The following WASHC2C variants were observed in gnomAD, a reference collection of about 807,000 sequenced individuals.
WASHC2C encodes the protein Vaccinia Penetration Factor.
A neutral mutation model predicts 142.2 loss-of-function variants in WASHC2C; 73 were observed. The observed-to-expected ratio is 0.51, with a 90% CI of 0.43 to 0.62. WASHC2C has a LOEUF of 0.62. Ranked by LOEUF, WASHC2C falls within the 20% of genes least tolerant of loss-of-function variation. The pLI, the probability that WASHC2C is intolerant of heterozygous loss-of-function variation, is 0.00. For synonymous variants in WASHC2C, 337 were observed against 565.5 expected, an observed-to-expected ratio of 0.60 and a Z score of 5.73; for missense variants, 969 against 1,531.7, an observed-to-expected ratio of 0.63 and a Z score of 6.13.
At chr10:45,734,463 T>G (rs1467559393) in intron 3 of WASHC2C, among the ~76,000 whole-genome samples, 1 of 151,980 alleles carries the variant, frequency 6.6e-6, no homozygotes, top group African/African-American at 2.4e-5. Flanking sequence ...GAATTTAATT[T>G]TTTTGTTCTT....
chr10:45,790,095 G>A (rs1275537600), intron 29 of WASHC2C, among the ~76,000 whole-genome samples: 1 of 152,230 alleles, frequency 6.6e-6, no homozygotes, highest in Non-Finnish European at 1.5e-5. Context: ...CTGGGGCAGA[G>A]TGGTGGGTAG....
chr10:45,754,417 T>C (rs1406294574), intron 13 of WASHC2C, 69 bp from the exon 14 acceptor site: 2 of 1,604,344 alleles, frequency 1.2e-6, no homozygotes, highest in Non-Finnish European at 1.7e-6. Flanking sequence ...TTGCACGTAT[T>C]TCAGGAAGAA....
At chr10:45,749,811 G>A (rs2053313451) in intron 8 of WASHC2C, among the ~76,000 whole-genome samples, 1 of 89,826 alleles carries the variant, frequency 1.1e-5, no homozygotes. Flanking sequence ...GGGCCACAGA[G>A]CAAGACTCCA....
At position 45,786,599 on chromosome 10, in the gene WASHC2C, T is replaced by C; in HGVS notation, c.2812-13T>C. The C allele has an allele frequency of 6.2e-7, 1 of 1,611,082 alleles. No individual in the cohort carries two copies. The highest frequency in any genetic ancestry group is 8.5e-7 in the Non-Finnish European group (1 of 1,179,178). On this transcript the variant is annotated splice_polypyrimidine_tract_variant and intron_variant, in intron 26 of 30. Coordinates refer to ENST00000623400, the MANE Select transcript of WASHC2C (RefSeq NM_001330074.2). ...TCCCAAATGGATTTTTAACTGGATG[T>C]AATCTTACACAGGACTCATCAGGTC... is the stretch of plus-strand genomic sequence containing the variant.
chr10:45,774,038 GT>G (rs1369227634), intron 21 of WASHC2C, among the ~76,000 whole-genome samples: 1 of 140,228 alleles, frequency 7.1e-6, no homozygotes, highest in East Asian at 2.1e-4. Flanking sequence ...CCAGGGAAAG[GT>G]ATGGAATGGG....
intron 6 of WASHC2C, 127 bp downstream of exon 6, chr10:45,743,610 C>T: frequency 1.9e-6 from 2 of 1,050,350 alleles, no homozygotes; most frequent in Non-Finnish European, 2.7e-6. Flanking sequence ...CCTGGGTTTA[C>T]CAGTTAACAT....
intron 3 of WASHC2C, among the ~76,000 whole-genome samples, chr10:45,736,020 G>A (rs1194927791): frequency 3.3e-5 from 5 of 151,858 alleles, no homozygotes; most frequent in African/African-American, 7.3e-5. Flanking sequence ...TGTAATCCCA[G>A]CACTTTGGGA....
rs1379912016 is a variant in WASHC2C, at chr10:45,787,040, T to C, written c.2880T>C (p.Asn960=). Residue 960 remains asparagine, a synonymous_variant, in exon 28 of 31, where the codon AAT becomes AAC. Transcript: ENST00000623400. ...PSTRIGKIQA[N]LAINPAALLP... ...GTTTCATTTTTCTTCTTTAGGCAAA[T>C]TTAGCGATCAACCCAGCGGCCTTGC... The C allele has an allele frequency of 3.7e-6, 6 of 1,607,408 alleles. No homozygotes were observed. The African/African-American group carries it at 8.1e-5, about 22-fold the overall frequency.
intron 20 of WASHC2C, among the ~76,000 whole-genome samples, chr10:45,773,021 G>A (rs1383304412): frequency 1.4e-5 from 2 of 147,938 alleles, no homozygotes; most frequent in African/African-American, 5.0e-5. Flanking sequence ...ATAGTAACAG[G>A]AAAGGGGCAA....
At chr10:45,783,763 TTTG>T (rs2057705145) in intron 23 of WASHC2C, among the ~76,000 whole-genome samples, 2 of 152,336 alleles carry the variant, frequency 1.3e-5, no homozygotes, top group South Asian at 4.1e-4. Flanking sequence ...GCCTGGCCTT[TTTG>T]TTAAGTTTTA....
chr10:45,729,180 T>C lies in WASHC2C; in HGVS notation c.291+154T>C, dbSNP rs143992264. Among the ~76,000 whole-genome samples the C allele has an allele frequency of 3.7e-4, 56 of 152,378 alleles. 1 individual carries two copies. The East Asian group carries it at 0.01, about 28-fold the overall frequency. On this transcript the variant is annotated intron_variant, in intron 3 of 30. Coordinates refer to ENST00000623400, the MANE Select transcript of WASHC2C (RefSeq NM_001330074.2). ...CTCTGGGATTAACGCCTCTTTTTTA[T>C]TTGTAAAGTTTTAAGTCCTTTTTTC...
Position 45,787,039 on chromosome 10 carries a change from AT to A in WASHC2C, c.2882del (p.Leu961Ter), listed in dbSNP as rs2058094421. On this transcript the variant is annotated frameshift_variant, in exon 28 of 31. Transcript: ENST00000623400. LOFTEE classifies it high-confidence loss of function. Reference sequence around the variant, plus strand: ...AGTTTCATTTTTCTTCTTTAGGCAAATTTAGCGATCAACCCAGCGGCCTTGC... The same window carrying A: ...AGTTTCATTTTTCTTCTTTAGGCAAATTAGCGATCAACCCAGCGGCCTTGC... ...PSTRIGKIQA[N>X]LAINPAALLP... 1 of 1,607,106 alleles carries A rather than the reference AT, an allele frequency of 6.2e-7. No homozygotes were observed. The highest frequency in any genetic ancestry group is 8.5e-7 in the Non-Finnish European group (1 of 1,176,658).
chr10:45,742,047 G>A (rs1406847828), intron 5 of WASHC2C, among the ~76,000 whole-genome samples: 5 of 150,676 alleles, frequency 3.3e-5, no homozygotes, highest in Admixed American at 6.6e-5. Context: ...CGCCCGCCTC[G>A]GCCTCCCAAA....
At chr10:45,751,211 T>C (rs2134618039) in intron 10 of WASHC2C, among the ~76,000 whole-genome samples, 1 of 151,580 alleles carries the variant, frequency 6.6e-6, no homozygotes, top group South Asian at 2.1e-4. Flanking sequence ...TATAACAGGG[T>C]AGAAAGATAA....
intron 16 of WASHC2C, 99 bp downstream of exon 16, chr10:45,757,238 T>C: frequency 3.2e-6 from 5 of 1,567,010 alleles, no homozygotes; most frequent in Non-Finnish European, 4.3e-6. Context: ...TTCACGTTCA[T>C]ATTGAAGAAC....
chr10:45,735,717 A>G lies in WASHC2C; in HGVS notation c.292-2266A>G, dbSNP rs144055808. Reference sequence around the variant, plus strand: ...TAATTTTCATGGGAGCTAAATTTCAAGAAGTAGAATTTTGGGTCAGAGGAT... The same window carrying G: ...TAATTTTCATGGGAGCTAAATTTCAGGAAGTAGAATTTTGGGTCAGAGGAT... On this transcript the variant is annotated intron_variant, in intron 3 of 30. Transcript: ENST00000623400. Among the ~76,000 whole-genome samples the G allele has an allele frequency of 9.8e-4, 150 of 152,366 alleles. 3 individuals carry two copies. The East Asian group carries it at 0.025, about 26-fold the overall frequency.
intron 17 of WASHC2C, among the ~76,000 whole-genome samples, chr10:45,761,727 A>G (rs2135087308): frequency 6.6e-6 from 1 of 152,300 alleles, no homozygotes; most frequent in Middle Eastern, 3.4e-3. Context: ...TTGCAGTACC[A>G]AGAAAGGTAT....
chr10:45,734,330 GTTT>G (rs1270459818), intron 3 of WASHC2C, among the ~76,000 whole-genome samples: 5 of 150,752 alleles, frequency 3.3e-5, no homozygotes, highest in African/African-American at 1.2e-4. Context: ...TTCTGTTCTT[GTTT>G]TTTAACTTTA....
At position 45,769,570 on chromosome 10, in the gene WASHC2C, T is replaced by C; in HGVS notation, c.1991T>C (p.Leu664Pro). ...GCCAAGGCTGTGAAAAAGACCAGTCTCTTTGAGGAAGACAAAGAAGATGAT... is the reference window on the plus strand; with the variant it reads ...GCCAAGGCTGTGAAAAAGACCAGTCCCTTTGAGGAAGACAAAGAAGATGAT... ...QEAKAVKKTS[L>P]FEEDKEDDLF... is the part of the protein sequence containing the mutation. Residue 664 changes from leucine to proline, a missense_variant, in exon 20 of 31, where the codon CTC (leucine) becomes CCC (proline). Coordinates refer to ENST00000623400, the MANE Select transcript of WASHC2C (RefSeq NM_001330074.2). The C allele has an allele frequency of 6.2e-7, 1 of 1,611,894 alleles. No homozygotes were observed. Among genetic ancestry groups the C allele is most frequent in the Non-Finnish European group, 8.5e-7 (1 of 1,179,840 alleles).
Sources: allele counts gnomAD v4.1 joint callset (sites outside exome capture counted in the v4.1 genomes callset), GRCh38; gene constraint gnomAD v4.1.1; transcripts MANE v1.5; gene names NCBI Gene and HGNC (gene_info 2026-07-23, HGNC 2026-07-21).